The following CEMIP2 variants were observed in gnomAD, a reference collection of about 807,000 sequenced individuals.
CEMIP2 encodes the protein cell migration inducing hyaluronidase 2.
CEMIP2 carries 79 observed loss-of-function variants against 146.9 expected under a neutral mutation model. That is an observed-to-expected ratio of 0.54 (90% confidence interval 0.45 to 0.65). The LOEUF is 0.65. CEMIP2 is among the 30% of genes least tolerant of loss of function. CEMIP2 has a pLI of 0.00. For synonymous variants in CEMIP2, 601 were observed against 606.3 expected, an observed-to-expected ratio of 0.99 and a Z score of 0.13; for missense variants, 1,596 against 1,696.2, an observed-to-expected ratio of 0.94 and a Z score of 1.04.
intron 14 of CEMIP2, 51 bp downstream of exon 14, chr9:71,716,466 G>T (rs776593720): frequency 1.4e-6 from 2 of 1,405,158 alleles, no homozygotes; most frequent in Non-Finnish European, 9.8e-7. Context: ...AAAAAATCAA[G>T]GGTTATTTTA....
At chr9:71,715,164 T>A in intron 14 of CEMIP2, 75 bp from the exon 15 acceptor site, 1 of 1,506,474 alleles carries the variant, frequency 6.6e-7, no homozygotes, top group Non-Finnish European at 8.9e-7. Flanking sequence ...AGGCATGCTA[T>A]AACTGAAAAG....
chr9:71,702,308 A>G (rs1822589245), intron 18 of CEMIP2, among the ~76,000 whole-genome samples: 1 of 152,050 alleles, frequency 6.6e-6, no homozygotes, highest in South Asian at 2.1e-4. Flanking sequence ...TTCAAGTGAA[A>G]AAAATAACCC....
At chr9:71,723,683 G>T (rs1284785357) in intron 11 of CEMIP2, among the ~76,000 whole-genome samples, 1 of 152,096 alleles carries the variant, frequency 6.6e-6, no homozygotes, top group Non-Finnish European at 1.5e-5. Flanking sequence ...ACATTCAAAG[G>T]GTACTCAGTA....
chr9:71,742,568 T>A (rs1043375271), intron 4 of CEMIP2, among the ~76,000 whole-genome samples: 2 of 152,080 alleles, frequency 1.3e-5, no homozygotes, highest in Admixed American at 6.6e-5. Context: ...CTCTATGAAA[T>A]CAAGAGCAAT....
At chr9:71,688,949 C>T (rs1822151140) in intron 22 of CEMIP2, among the ~76,000 whole-genome samples, 1 of 152,156 alleles carries the variant, frequency 6.6e-6, no homozygotes, top group Non-Finnish European at 1.5e-5. Flanking sequence ...TCTGCATAAC[C>T]AGAGGCAGAT....
intron 1 of CEMIP2, among the ~76,000 whole-genome samples, chr9:71,756,215 G>GATAGATAGATAGATAGATAGACAGA (rs1824439249): frequency 1.1e-4 from 12 of 105,172 alleles, no homozygotes; most frequent in South Asian, 3.2e-4. Flanking sequence ...AGATAGATAG[G>GATAGATAGATAGATAGATAGACAGA]CTATATATAT....
At chr9:71,747,681 G>A (rs757758666) in intron 2 of CEMIP2, among the ~76,000 whole-genome samples, 13 of 152,050 alleles carry the variant, frequency 8.5e-5, no homozygotes, top group Non-Finnish European at 1.6e-4. Flanking sequence ...AAGTAGAGAG[G>A]TAGGGTGCTA....
rs548033409 is a variant in CEMIP2, at chr9:71,702,403, G to GA, written c.3195-1580_3195-1579insT. ...GTCTATAATAGCAAAATGCGGGGGG[G>GA]CGGGCAGGAGAAACAACCTAAATGT... On this transcript the variant is annotated intron_variant, in intron 18 of 23. Coordinates refer to ENST00000377044, the MANE Select transcript of CEMIP2 (RefSeq NM_013390.3). 4.2e-3 allele frequency among the ~76,000 whole-genome samples: 628 copies of GA among 150,326 alleles called. 4 individuals are homozygous for GA. The highest frequency in any genetic ancestry group is 0.014 in the Middle Eastern group (4 of 294).
chr9:71,699,737 T>A (rs1351170930), intron 19 of CEMIP2, among the ~76,000 whole-genome samples: 1 of 152,182 alleles, frequency 6.6e-6, no homozygotes, highest in Non-Finnish European at 1.5e-5. Flanking sequence ...ACACTGTCTC[T>A]TCTGTGTAAG....
chr9:71,758,931 C>T (rs934142780), intron 1 of CEMIP2, among the ~76,000 whole-genome samples: 7 of 152,192 alleles, frequency 4.6e-5, no homozygotes, highest in African/African-American at 1.7e-4. Flanking sequence ...CTTTTTCCTT[C>T]AACTCTCAAA....
intron 16 of CEMIP2, among the ~76,000 whole-genome samples, chr9:71,710,765 C>T (rs1822882915): frequency 6.6e-6 from 1 of 152,164 alleles, no homozygotes; most frequent in South Asian, 2.1e-4. Context: ...GGATCCAAGA[C>T]TCATCCTGCT....
At chr9:71,704,397 A>G in intron 18 of CEMIP2, 198 bp downstream of exon 18, 1 of 609,170 alleles carries the variant, frequency 1.6e-6, no homozygotes, top group South Asian at 2.0e-5. Context: ...GAGAAAAAAA[A>G]AGCTTTTGAA....
chr9:71,769,131 C>T (rs1011764784), upstream of CEMIP2, among the ~76,000 whole-genome samples: 4 of 152,156 alleles, frequency 2.6e-5, no homozygotes, highest in African/African-American at 9.6e-5. Context: ...AGGCTCCTAC[C>T]CTTCCTGGGC....
intron 1 of CEMIP2, among the ~76,000 whole-genome samples, chr9:71,755,806 A>T (rs1237200067): frequency 6.6e-6 from 1 of 151,402 alleles, no homozygotes; most frequent in Non-Finnish European, 1.5e-5. Context: ...ATTAAAAACC[A>T]AAAAAATTAA....
At chr9:71,700,859 C>G in intron 18 of CEMIP2, 35 bp from the exon 19 acceptor site, 1 of 1,572,696 alleles carries the variant, frequency 6.4e-7, no homozygotes, top group Non-Finnish European at 8.6e-7. Flanking sequence ...TTAGTTTACA[C>G]TTCAGCCATT....
At chr9:71,767,434 T>C (rs968400787) in intron 1 of CEMIP2, among the ~76,000 whole-genome samples, 1 of 152,312 alleles carries the variant, frequency 6.6e-6, no homozygotes, top group African/African-American at 2.4e-5. Flanking sequence ...CAATGAAAGT[T>C]TTAAAAATTA....
At chr9:71,761,815 G>A (rs1165485212) in intron 1 of CEMIP2, among the ~76,000 whole-genome samples, 1 of 152,198 alleles carries the variant, frequency 6.6e-6, no homozygotes, top group Non-Finnish European at 1.5e-5. Flanking sequence ...ACTGAATGTT[G>A]AGGCAAAGAA....
At chr9:71,700,995 G>A (rs1822543766) in intron 18 of CEMIP2, among the ~76,000 whole-genome samples, 171 bp from the exon 19 acceptor site, 1 of 152,108 alleles carries the variant, frequency 6.6e-6, no homozygotes, top group African/African-American at 2.4e-5. Flanking sequence ...TGGAAGTTCT[G>A]AACCATGGCA....
intron 1 of CEMIP2, among the ~76,000 whole-genome samples, chr9:71,766,717 T>A (rs974318285): frequency 1.3e-5 from 2 of 152,250 alleles, no homozygotes; most frequent in African/African-American, 4.8e-5. Context: ...TCTATTTCCC[T>A]GTCCACACAC....
Sources: allele counts gnomAD v4.1 joint callset (sites outside exome capture counted in the v4.1 genomes callset), GRCh38; gene constraint gnomAD v4.1.1; transcripts MANE v1.5; gene names NCBI Gene and HGNC (gene_info 2026-07-23, HGNC 2026-07-21).